The following SFMBT2 variants were observed in gnomAD, a reference collection of about 807,000 sequenced individuals.
SFMBT2 encodes scm-like with four MBT domains protein 2.
Under a neutral mutation model 110.1 loss-of-function variants are expected in SFMBT2, and 38 were observed. That is an observed-to-expected ratio of 0.35 (90% CI 0.27 to 0.45). The LOEUF (loss-of-function observed/expected upper bound fraction) is 0.45, where lower values mean the gene tolerates loss of function less well. Among genes scored for constraint, SFMBT2 ranks in the 20% least tolerant of loss-of-function variants. The pLI, the probability that SFMBT2 is intolerant of heterozygous loss-of-function variation, is 1.00. For synonymous variants in SFMBT2, 425 were observed against 425.4 expected (o/e 1.00, Z 0.01); for missense variants, 1,011 against 1,094.9 (o/e 0.92, Z 1.08).
chr10:7,289,287 A>G (rs909470233), intron 4 of SFMBT2, among the ~76,000 whole-genome samples: 1 of 152,232 alleles, frequency 6.6e-6, no homozygotes, highest in Non-Finnish European at 1.5e-5. Context: ...ACAGACGTCT[A>G]TATCCACTAC....
intron 1 of SFMBT2, among the ~76,000 whole-genome samples, chr10:7,403,556 T>C (rs1460684236): frequency 2.9e-4 from 44 of 152,178 alleles, no homozygotes; most frequent in Admixed American, 2.8e-3. Context: ...GGGGGAGAAT[T>C]GCTTGAACCC....
intron 16 of SFMBT2, among the ~76,000 whole-genome samples, chr10:7,181,659 A>T (rs1276782794): frequency 6.6e-6 from 1 of 152,250 alleles, no homozygotes; most frequent in East Asian, 1.9e-4. Context: ...TTGAGTACAC[A>T]TGGACACATC....
rs1465147881 is a variant in SFMBT2, at chr10:7,172,806, C to T, written c.1985-145G>A. ...AAGTCATTCTGAGAAAACAGACCCA[C>T]AGGAGAAGCACTGCTCCAAAGCTTC... is the stretch of plus-strand genomic sequence containing the variant. On this transcript the variant is annotated intron_variant, in intron 17 of 20. Transcript: ENST00000397167. The surrounding 1 kb of genome is among the most constrained non-coding windows in gnomAD (Gnocchi z 4.6). The T allele has an allele frequency of 2.9e-6, 3 of 1,049,248 alleles. No individual in the cohort carries two copies. Among genetic ancestry groups the T allele is most frequent in the African/African-American group, 1.6e-5 (1 of 62,256 alleles). The allele number at this position is 1,049,248 out of a possible 1,614,324, so 65.0% of individuals were successfully genotyped here. A position where few individuals can be genotyped will look rare whatever the true frequency, so the allele number is the denominator to read the frequency against.
intron 4 of SFMBT2, among the ~76,000 whole-genome samples, chr10:7,340,484 A>G (rs1277138595): frequency 6.6e-6 from 1 of 151,976 alleles, no homozygotes; most frequent in African/African-American, 2.4e-5. Flanking sequence ...TTTCTAAGTC[A>G]GTCCTGCATG....
intron 1 of SFMBT2, among the ~76,000 whole-genome samples, chr10:7,397,875 C>G (rs530042808): frequency 3.3e-5 from 5 of 152,360 alleles, no homozygotes; most frequent in Admixed American, 2.6e-4. Context: ...ATCTCTCCCC[C>G]ACTCTCACCA....
chr10:7,410,070 C>A (rs1299740018), intron 1 of SFMBT2, among the ~76,000 whole-genome samples: 1 of 152,054 alleles, frequency 6.6e-6, no homozygotes, highest in African/African-American at 2.4e-5. Context: ...TACCCACGCA[C>A]GCATATTAAA....
At position 7,409,000 on chromosome 10, in the gene SFMBT2, C is replaced by T. The variant is rs1237804390; in HGVS notation, c.-52+1861G>A. ...TCCCCATCCCCCACCTTCCCTAGAGCGCGAAACCCAAAAGTAAGGAAGGCA... is the reference window on the plus strand; with the variant it reads ...TCCCCATCCCCCACCTTCCCTAGAGTGCGAAACCCAAAAGTAAGGAAGGCA... On this transcript the variant is annotated intron_variant, in intron 1 of 20. Coordinates refer to ENST00000397167, the MANE Select transcript of SFMBT2 (RefSeq NM_001387889.1). The surrounding 1 kb of genome is among the most constrained non-coding windows in gnomAD (Gnocchi z 5.7). Among the ~76,000 whole-genome samples the T allele has an allele frequency of 1.3e-5, 2 of 152,042 alleles. No homozygotes were observed. The highest frequency in any genetic ancestry group is 2.4e-5 in the African/African-American group (1 of 41,386).
intron 15 of SFMBT2, among the ~76,000 whole-genome samples, chr10:7,195,532 G>T (rs1838740472): frequency 6.6e-6 from 1 of 152,206 alleles, no homozygotes; most frequent in South Asian, 2.1e-4. Context: ...TGTGTATGAA[G>T]GCCCTGGTAC....
At chr10:7,168,709 C>T (rs1837777548) in intron 20 of SFMBT2, among the ~76,000 whole-genome samples, 1 of 152,256 alleles carries the variant, frequency 6.6e-6, no homozygotes, top group East Asian at 1.9e-4. Flanking sequence ...CAACCTATTG[C>T]TTTAATTTTG....
chr10:7,218,231 G>T (rs1839607579), intron 11 of SFMBT2, among the ~76,000 whole-genome samples: 1 of 152,140 alleles, frequency 6.6e-6, no homozygotes, highest in Non-Finnish European at 1.5e-5. Context: ...AAGTGACCAT[G>T]ATGAAACTCT....
In SFMBT2 at chr10:7,163,681, A is replaced by T; in HGVS notation, c.*89T>A. The T allele has an allele frequency of 8.2e-7, 1 of 1,219,310 alleles. No individual in the cohort carries two copies. Among genetic ancestry groups the T allele is most frequent in the Non-Finnish European group, 1.2e-6 (1 of 848,760 alleles). 75.5% of individuals were successfully genotyped at this position (1,219,310 alleles called of 1,614,324 possible). Reference sequence around the variant, plus strand: ...GTGATACTTAGTGGCTGTACCATTTAACATATCCCGGAAAATCAAAGTTTC... The same window carrying T: ...GTGATACTTAGTGGCTGTACCATTTTACATATCCCGGAAAATCAAAGTTTC... On this transcript the variant is annotated 3_prime_UTR_variant, in exon 21 of 21. Transcript: ENST00000397167. The surrounding 1 kb of genome is among the most constrained non-coding windows in gnomAD (Gnocchi z 4.8).
chr10:7,357,122 C>A (rs1844544046), intron 4 of SFMBT2, among the ~76,000 whole-genome samples: 1 of 152,168 alleles, frequency 6.6e-6, no homozygotes, highest in African/African-American at 2.4e-5. Context: ...CACAGTGATT[C>A]CAAGTGTACA....
At chr10:7,200,873 TGA>T in intron 13 of SFMBT2, 1 of 349,536 alleles carries the variant, frequency 2.9e-6, no homozygotes, top group Non-Finnish European at 4.0e-6. Flanking sequence ...GATGTCTAAT[TGA>T]AAACCACTTT....
chr10:7,200,459 T>G lies in SFMBT2; in HGVS notation c.1513A>C (p.Lys505Gln). Residue 505 changes from lysine (K) to glutamine (Q), a missense_variant, in exon 14 of 21, where the codon AAA becomes CAA. Lys to Gln is a moderately conservative substitution (Grantham distance 53). Coordinates refer to ENST00000397167, the MANE Select transcript of SFMBT2 (RefSeq NM_001387889.1). The stretch of plus-strand genomic sequence containing the variant: ...AATAAACAAAGGTCATGAGGTATTT[T>G]CTTAACAGGCACTGTGGGCGGCAAT... ...KQLPPTVPVK[K>Q]IPHDLCLFPH... The G allele has an allele frequency of 6.2e-7, 1 of 1,602,620 alleles. No homozygotes were observed. The highest frequency in any genetic ancestry group is 8.5e-7 in the Non-Finnish European group (1 of 1,174,118).
chr10:7,336,712 G>A (rs1465331174), intron 4 of SFMBT2, among the ~76,000 whole-genome samples: 3 of 152,066 alleles, frequency 2.0e-5, no homozygotes, highest in Non-Finnish European at 4.4e-5. Context: ...TGAATGACTA[G>A]GGAACTAACA....
intron 1 of SFMBT2, among the ~76,000 whole-genome samples, chr10:7,391,601 C>T (rs1027065668): frequency 5.3e-5 from 8 of 152,196 alleles, no homozygotes; most frequent in Admixed American, 3.9e-4. Flanking sequence ...CGATGTGTCC[C>T]ACTTTGACTT....
intron 4 of SFMBT2, among the ~76,000 whole-genome samples, chr10:7,332,024 AAAAAAAAAAAAAAG>A (rs943148132): frequency 7.4e-6 from 1 of 135,008 alleles, no homozygotes; most frequent in African/African-American, 2.8e-5. Context: ...TCAAAAAAAA[AAAAAAAAAAAAAAG>A]GAAAGGTGAA....
At chr10:7,197,417 G>A in intron 15 of SFMBT2, 131 bp downstream of exon 15, 3 of 1,241,756 alleles carry the variant, frequency 2.4e-6, no homozygotes, top group Non-Finnish European at 3.4e-6. Flanking sequence ...CCACAGGATG[G>A]AGAGAACGGA....
At chr10:7,241,226 A>G in intron 9 of SFMBT2, 2 of 619,704 alleles carry the variant, frequency 3.2e-6, no homozygotes, top group Non-Finnish European at 4.0e-6. Flanking sequence ...TAAGTCCATT[A>G]AACCCCTTCT....
Sources: allele counts gnomAD v4.1 joint callset (sites outside exome capture counted in the v4.1 genomes callset), GRCh38; gene constraint gnomAD v4.1.1; non-coding constraint Gnocchi (gnomAD v3.1); transcripts MANE v1.5; gene names NCBI Gene and HGNC (gene_info 2026-07-23, HGNC 2026-07-21).